Variants in MPPED2 observed in about 807,000 individuals in gnomAD.
MPPED2 encodes the protein metallophosphoesterase MPPED2.
A neutral mutation model predicts 33.0 loss-of-function variants in MPPED2; 5 were observed. That is an observed-to-expected ratio of 0.15 (90% CI 0.08 to 0.32). The LOEUF (loss-of-function observed/expected upper bound fraction) is 0.32. Ranked by LOEUF, MPPED2 falls within the 10% of genes least tolerant of loss-of-function variation. The pLI is 1.00. For synonymous variants in MPPED2, 136 were observed against 141.9 expected, an observed-to-expected ratio of 0.96 and a Z score of 0.29; for missense variants, 275 against 372.1, an observed-to-expected ratio of 0.74 and a Z score of 2.15.
intron 4 of MPPED2, among the ~76,000 whole-genome samples, chr11:30,468,745 G>T (rs1950826105): frequency 1.3e-5 from 2 of 152,176 alleles, no homozygotes; most frequent in African/African-American, 4.8e-5. Flanking sequence ...TACCTCATGA[G>T]GGGTCAGTAT....
intron 2 of MPPED2, among the ~76,000 whole-genome samples, chr11:30,557,176 C>G (rs376686154): frequency 7.0e-6 from 1 of 143,882 alleles, no homozygotes; most frequent in South Asian, 2.1e-4. Flanking sequence ...ATTCAATGAG[C>G]GAATGAATAA....
At chr11:30,502,064 C>G (rs1952594609) in intron 3 of MPPED2, among the ~76,000 whole-genome samples, 1 of 150,222 alleles carries the variant, frequency 6.7e-6, no homozygotes, top group East Asian at 1.9e-4. Context: ...GAAAGTTAAC[C>G]CTGGCTTAAA....
intron 2 of MPPED2, among the ~76,000 whole-genome samples, chr11:30,545,470 G>A (rs11031132): frequency 0.23 from 34,773 of 151,974 alleles, 4,293 homozygotes; most frequent in East Asian, 0.41. Context: ...CGAGTCTCCC[G>A]TAGCTCTATC....
At chr11:30,544,294 G>A (rs550951862) in intron 2 of MPPED2, among the ~76,000 whole-genome samples, 95 of 152,226 alleles carry the variant, frequency 6.2e-4, no homozygotes, top group Non-Finnish European at 2.8e-4. Flanking sequence ...TGGCAATCAC[G>A]TTAATCAGCT....
intron 2 of MPPED2, among the ~76,000 whole-genome samples, chr11:30,563,993 C>T (rs1189176982): frequency 1.3e-5 from 2 of 152,154 alleles, no homozygotes; most frequent in Non-Finnish European, 2.9e-5. Context: ...CTTCTTTGTT[C>T]TGGGAACAGG....
chr11:30,454,539 T>C (rs1251601773), intron 4 of MPPED2, among the ~76,000 whole-genome samples: 1 of 150,270 alleles, frequency 6.7e-6, no homozygotes, highest in Admixed American at 6.6e-5. Flanking sequence ...AAGATGGCCT[T>C]TGAAAGTCAT....
At chr11:30,456,969 G>A (rs147656020) in intron 4 of MPPED2, among the ~76,000 whole-genome samples, 15 of 152,250 alleles carry the variant, frequency 9.9e-5, no homozygotes, top group Middle Eastern at 3.4e-3. Context: ...AAAGTGATCC[G>A]TATTCCTGTT....
intron 4 of MPPED2, among the ~76,000 whole-genome samples, chr11:30,432,161 T>C (rs1474690370): frequency 8.1e-6 from 1 of 122,810 alleles, no homozygotes; most frequent in East Asian, 2.4e-4. Context: ...AGAGCAGGAT[T>C]CTGTCTCAAA....
At chr11:30,398,004 C>A (rs1282703510) in intron 6 of MPPED2, among the ~76,000 whole-genome samples, 1 of 152,034 alleles carries the variant, frequency 6.6e-6, no homozygotes, top group African/African-American at 2.4e-5. Flanking sequence ...TGACTTTGAC[C>A]AATTCATTTC....
At chr11:30,546,022 G>C (rs1955406299) in intron 2 of MPPED2, among the ~76,000 whole-genome samples, 1 of 152,162 alleles carries the variant, frequency 6.6e-6, no homozygotes, top group South Asian at 2.1e-4. Context: ...ACCACGCCAT[G>C]TTGGCCAGGC....
rs529889608 is a variant in MPPED2 at position 30,449,516 on chromosome 11, C to A, written c.537-31883G>T. On this transcript the variant is annotated intron_variant, in intron 4 of 6. Transcript: ENST00000358117. ...ACAAAAATTAGGGTGTGGTGGCGTGCGCCTGAGTCCCAGCTACCTGGAAGG... is the reference window on the plus strand; with the variant it reads ...ACAAAAATTAGGGTGTGGTGGCGTGAGCCTGAGTCCCAGCTACCTGGAAGG... Among the ~76,000 whole-genome samples the A allele has an allele frequency of 9.8e-4, 144 of 147,672 alleles. No homozygotes were observed. In the Middle Eastern group the frequency reaches 0.014, roughly 14 times the overall value.
intron 4 of MPPED2, among the ~76,000 whole-genome samples, chr11:30,481,118 G>A (rs1362513988): frequency 6.6e-6 from 1 of 152,054 alleles, no homozygotes; most frequent in Non-Finnish European, 1.5e-5. Context: ...CCCACTTTAA[G>A]AATCAAAAGA....
intron 4 of MPPED2, among the ~76,000 whole-genome samples, chr11:30,463,688 G>C (rs1332163547): frequency 6.6e-6 from 1 of 152,148 alleles, no homozygotes; most frequent in Non-Finnish European, 1.5e-5. Flanking sequence ...ACATGTTAAG[G>C]CCACATCAAA....
chr11:30,451,456 AT>A (rs1490060202), intron 4 of MPPED2, among the ~76,000 whole-genome samples: 1 of 152,150 alleles, frequency 6.6e-6, no homozygotes, highest in Non-Finnish European at 1.5e-5. Context: ...AATATTTGTT[AT>A]GATAGATAAT....
At chr11:30,413,956 A>G (rs1359977701) in intron 6 of MPPED2, among the ~76,000 whole-genome samples, 1 of 152,190 alleles carries the variant, frequency 6.6e-6, no homozygotes, top group Non-Finnish European at 1.5e-5. Context: ...TCCTCGTTAA[A>G]GCCCTGAGAT....
In MPPED2 at chr11:30,576,299, C is replaced by G. The variant is rs183227385; in HGVS notation, c.128+3947G>C. The stretch of plus-strand genomic sequence containing the variant: ...CTGATTCCACAGGTGATATTGACCA[C>G]TATGCTAACCTGCCTCCACAGAACC... On this transcript the variant is annotated intron_variant, in intron 2 of 6. Coordinates refer to ENST00000358117, the MANE Select transcript of MPPED2 (RefSeq NM_001584.3). Among the ~76,000 whole-genome samples, 14 of 152,242 alleles carry G rather than the reference C, an allele frequency of 9.2e-5. No homozygotes were observed. The East Asian group carries it at 2.7e-3, about 30-fold the overall frequency.
chr11:30,457,118 GA>G (rs1018884349), intron 4 of MPPED2, among the ~76,000 whole-genome samples: 1 of 152,054 alleles, frequency 6.6e-6, no homozygotes, highest in Non-Finnish European at 1.5e-5. Flanking sequence ...TTGGTCTGGG[GA>G]AAAAGCTTAT....
intron 2 of MPPED2, among the ~76,000 whole-genome samples, chr11:30,576,281 C>T (rs1273093138): frequency 6.6e-6 from 1 of 152,084 alleles, no homozygotes; most frequent in East Asian, 1.9e-4. Context: ...AATCTGATTC[C>T]ACAGGTGATA....
intron 4 of MPPED2, among the ~76,000 whole-genome samples, chr11:30,456,660 C>T (rs1367222482): frequency 1.3e-5 from 2 of 152,082 alleles, no homozygotes; most frequent in Admixed American, 6.6e-5. Flanking sequence ...TATTCTGTAA[C>T]CCTAAGAATC....
Sources: allele counts gnomAD v4.1 joint callset (sites outside exome capture counted in the v4.1 genomes callset), GRCh38; gene constraint gnomAD v4.1.1; transcripts MANE v1.5; gene names NCBI Gene and HGNC (gene_info 2026-07-23, HGNC 2026-07-21).